SH3BP5: variants seen among roughly 807,000 people sequenced by gnomAD.
SH3BP5 encodes the protein SH3 domain-binding protein 5.
Under a neutral mutation model 43.3 loss-of-function variants are expected in SH3BP5, and 22 were observed. The ratio of observed to expected loss-of-function variants is 0.51; its 90% CI spans 0.36 to 0.73. The LOEUF (loss-of-function observed/expected upper bound fraction) is 0.73. SH3BP5 is among the 30% of genes least tolerant of loss of function. The pLI, the probability that SH3BP5 is intolerant of heterozygous loss-of-function variation, is 0.00. For synonymous variants in SH3BP5, 255 were observed against 225.8 expected (o/e 1.13, Z -1.16); for missense variants, 529 against 586.9 (o/e 0.90, Z 1.02).
intron 3 of SH3BP5, among the ~76,000 whole-genome samples, chr3:15,276,625 A>G (rs1012676393): frequency 6.6e-6 from 1 of 152,070 alleles, no homozygotes; most frequent in East Asian, 1.9e-4. Flanking sequence ...GGTCCAGCTG[A>G]CAGGCCCGTG....
At position 15,256,179 on chromosome 3, in the gene SH3BP5, C is replaced by T. The variant is rs751538917; in HGVS notation, c.1275G>A (p.Gln425=). The change falls in exon 9 of 9, where the codon CAG becomes CAA. Residue 425 remains glutamine (Q), a synonymous_variant. Coordinates refer to ENST00000383791, the MANE Select transcript of SH3BP5 (RefSeq NM_004844.5). ...GCTGCTTCATCCGGTTCTCCAAGGC[C>T]TGGCCCTCAGGGGAGGTGCTGCTTT... ...KSQSSTSPEG[Q]ALENRMKQLS... The T allele has an allele frequency of 6.2e-6, 10 of 1,614,066 alleles. No individual in the cohort carries two copies. The highest frequency in any genetic ancestry group is 8.5e-6 in the Non-Finnish European group (10 of 1,180,024).
chr3:15,320,605 A>AACACAAACACACACACACACAC (rs1698298551), intron 2 of SH3BP5, among the ~76,000 whole-genome samples: 3 of 126,860 alleles, frequency 2.4e-5, no homozygotes, highest in African/African-American at 9.0e-5. Context: ...ATCCAGCCAA[A>AACACAAACACACACACACACAC]ACACACACAC....
chr3:15,330,480 G>C (rs1007783011), intron 2 of SH3BP5, 24 bp downstream of exon 2: 1 of 1,600,422 alleles, frequency 6.2e-7, no homozygotes, highest in Non-Finnish European at 8.6e-7. Flanking sequence ...ACTTCACCAA[G>C]AACAGGAACT....
chr3:15,328,368 G>A (rs1187471058), intron 2 of SH3BP5, among the ~76,000 whole-genome samples: 1 of 150,876 alleles, frequency 6.6e-6, no homozygotes, highest in Non-Finnish European at 1.5e-5. Flanking sequence ...TCATTACCCA[G>A]AACAGTGGCC....
chr3:15,299,391 T>C (rs560180096), intron 3 of SH3BP5, among the ~76,000 whole-genome samples: 1 of 151,836 alleles, frequency 6.6e-6, no homozygotes, highest in African/African-American at 2.4e-5. Context: ...TGGATCTGAC[T>C]CATTGGCTGA....
intron 4 of SH3BP5, among the ~76,000 whole-genome samples, chr3:15,267,533 G>C (rs999156705): frequency 3.3e-5 from 5 of 152,220 alleles, no homozygotes; most frequent in African/African-American, 7.2e-5. Context: ...CCAATCTGCA[G>C]AGGTTGCCCC....
At chr3:15,310,603 A>T (rs1698030333) in intron 2 of SH3BP5, among the ~76,000 whole-genome samples, 1 of 152,184 alleles carries the variant, frequency 6.6e-6, no homozygotes, top group Non-Finnish European at 1.5e-5. Flanking sequence ...GTACAAACTT[A>T]TCTGAGAGAG....
chr3:15,294,904 G>A (rs541498319), intron 3 of SH3BP5, among the ~76,000 whole-genome samples: 1 of 152,204 alleles, frequency 6.6e-6, no homozygotes, highest in African/African-American at 2.4e-5. Flanking sequence ...GCTCCCCTAA[G>A]CCTCTCTTTC....
chr3:15,311,692 T>G lies in SH3BP5; in HGVS notation c.202-7461A>C, dbSNP rs901310998. 1.8e-4 allele frequency among the ~76,000 whole-genome samples: 27 copies of G among 151,984 alleles called. 1 individual carries two copies. The highest frequency in any genetic ancestry group is 1.7e-3 in the Admixed American group (26 of 15,256). On this transcript the variant is annotated intron_variant, in intron 2 of 8. Transcript: ENST00000383791. ...TCAGTATTTTTTGTTTTTTGTTTTT[T>G]GAGACAGGATCTCTCTCTGTTACCC...
intron 3 of SH3BP5, among the ~76,000 whole-genome samples, chr3:15,283,544 G>A (rs183036680): frequency 3.3e-5 from 5 of 152,278 alleles, no homozygotes; most frequent in African/African-American, 4.8e-5. Context: ...TAAGATGTAC[G>A]GGAAATGAAG....
At chr3:15,335,816 G>A (rs1698694681), upstream of SH3BP5, among the ~76,000 whole-genome samples, 1 of 152,196 alleles carries the variant, frequency 6.6e-6, no homozygotes. Flanking sequence ...ACCCAGTAAA[G>A]AGTGGCTACC....
chr3:15,308,367 G>A (rs997520491), intron 2 of SH3BP5, among the ~76,000 whole-genome samples: 2 of 152,156 alleles, frequency 1.3e-5, no homozygotes, highest in African/African-American at 4.8e-5. Flanking sequence ...TTTTATAAAG[G>A]AGGAAATAGA....
At chr3:15,320,605 A>AACACACACACACAC (rs376414934) in intron 2 of SH3BP5, among the ~76,000 whole-genome samples, 8,894 of 126,758 alleles carry the variant, frequency 0.07, 384 homozygotes, top group Admixed American at 0.079. Context: ...ATCCAGCCAA[A>AACACACACACACAC]ACACACACAC....
At chr3:15,299,297 TG>T (rs1433691449) in intron 3 of SH3BP5, among the ~76,000 whole-genome samples, 7 of 152,170 alleles carry the variant, frequency 4.6e-5, no homozygotes, top group Non-Finnish European at 1.0e-4. Flanking sequence ...GCCAGTGCCC[TG>T]CCCCCAACCT....
intron 3 of SH3BP5, among the ~76,000 whole-genome samples, chr3:15,297,354 G>A (rs1287641): frequency 6.6e-5 from 10 of 151,964 alleles, no homozygotes; most frequent in African/African-American, 2.2e-4. Flanking sequence ...TCCCAGCCAG[G>A]AGAGGCCTGT....
chr3:15,256,948 G>A lies in SH3BP5; in HGVS notation c.1055C>T (p.Pro352Leu), dbSNP rs766704231. Residue 352 changes from proline (P) to leucine (L), a missense_variant, in exon 8 of 9, where the codon CCT (proline) becomes CTT (leucine). This residue lies in a region of SH3BP5 where 369 missense variants were observed against 384.3 expected (regional missense o/e 0.96). Coordinates refer to ENST00000383791, the MANE Select transcript of SH3BP5 (RefSeq NM_004844.5). ...CATCCCAAACTCTGACAGGGACACA[G>A]GGCTGGGCAGATCCAGGCTGCCAGG... ...VRPGSLDLPS[P>L]VSLSEFGMMF... is the part of the protein sequence containing the mutation. 6.2e-7 allele frequency: 1 copy of A among 1,614,196 alleles called. No individual in the cohort carries two copies. The highest frequency in any genetic ancestry group is 8.5e-7 in the Non-Finnish European group (1 of 1,180,022).
rs79333310 is a variant in SH3BP5 at position 15,297,663 on chromosome 3, C to T, written c.330+6440G>A. Among the ~76,000 whole-genome samples, 1,484 of 152,206 alleles carry T rather than the reference C, an allele frequency of 9.7e-3. 21 individuals carry two copies. Among genetic ancestry groups the T allele is most frequent in the African/African-American group, 0.033 (1,380 of 41,510 alleles). On this transcript the variant is annotated intron_variant, in intron 3 of 8. Transcript: ENST00000383791. ...CAAGCAGAGGCTTGAAAAGGGCTCACCCTTTTTGTTGCTGGAATCTCAACA... is the reference window on the plus strand; with the variant it reads ...CAAGCAGAGGCTTGAAAAGGGCTCATCCTTTTTGTTGCTGGAATCTCAACA...
At chr3:15,259,736 TGAC>T in intron 6 of SH3BP5, 22 bp downstream of exon 6, 1 of 1,612,770 alleles carries the variant, frequency 6.2e-7, no homozygotes, top group Non-Finnish European at 8.5e-7. Context: ...ATCTCATCAG[TGAC>T]GAAGCCCAAA....
chr3:15,326,018 C>CAATA (rs1698452759), intron 2 of SH3BP5, among the ~76,000 whole-genome samples: 1 of 152,042 alleles, frequency 6.6e-6, no homozygotes, highest in Non-Finnish European at 1.5e-5. Flanking sequence ...GACCCTGTCT[C>CAATA]AATAAATAAA....
Sources: gnomAD v4.1 joint callset for allele counts (sites outside exome capture counted in the v4.1 genomes callset) on GRCh38, gnomAD v4.1.1 for gene constraint, gnomAD v4.1.1 regional missense constraint, MANE v1.5 for transcripts, NCBI Gene and HGNC (gene_info 2026-07-23, HGNC 2026-07-21) for gene names.